Variants in CAPZA1 observed in about 807,000 individuals in gnomAD.
CAPZA1 encodes the protein F-actin-capping protein subunit alpha-1.
CAPZA1 carries 10 observed loss-of-function variants against 40.8 expected under a neutral mutation model. The observed-to-expected ratio is 0.25, with a 90% CI of 0.15 to 0.42. The LOEUF (loss-of-function observed/expected upper bound fraction) is 0.42. Among genes scored for constraint, CAPZA1 ranks in the 10% least tolerant of loss-of-function variants. The pLI, the probability that CAPZA1 is intolerant of heterozygous loss-of-function variation, is 1.00. For synonymous variants in CAPZA1, 98 were observed against 115.0 expected (o/e 0.85, Z 0.95); for missense variants, 277 against 353.8 (o/e 0.78, Z 1.74).
intron 1 of CAPZA1, among the ~76,000 whole-genome samples, chr1:112,642,038 G>C (rs1671178628): frequency 6.6e-6 from 1 of 151,412 alleles, no homozygotes; most frequent in African/African-American, 2.4e-5. Flanking sequence ...AAGTCACATT[G>C]TTTTACATTT....
intron 7 of CAPZA1, among the ~76,000 whole-genome samples, chr1:112,666,050 C>A (rs757265589): frequency 1.3e-5 from 2 of 152,104 alleles, no homozygotes; most frequent in South Asian, 2.1e-4. Flanking sequence ...ATTGCCCAGG[C>A]TGGTCTTAAA....
chr1:112,624,350 CGTA>C (rs1670753666), intron 1 of CAPZA1, among the ~76,000 whole-genome samples: 1 of 151,736 alleles, frequency 6.6e-6, no homozygotes, highest in Non-Finnish European at 1.5e-5. Flanking sequence ...GGCTCACGCT[CGTA>C]ATCCCAGTAC....
chr1:112,628,120 T>C (rs141472139), intron 1 of CAPZA1, among the ~76,000 whole-genome samples: 320 of 152,342 alleles, frequency 2.1e-3, no homozygotes, highest in African/African-American at 7.5e-3. Context: ...CTTTACAGTA[T>C]GACAGTATCT....
At chr1:112,653,218 G>T (rs1317341299) in intron 3 of CAPZA1, among the ~76,000 whole-genome samples, 1 of 152,176 alleles carries the variant, frequency 6.6e-6, no homozygotes, top group African/African-American at 2.4e-5. Flanking sequence ...TGTAGTCCCA[G>T]CTACTCAGGA....
intron 1 of CAPZA1, among the ~76,000 whole-genome samples, chr1:112,627,823 G>A (rs533346871): frequency 6.6e-6 from 1 of 151,824 alleles, no homozygotes; most frequent in Non-Finnish European, 1.5e-5. Context: ...AGCTGGGCGT[G>A]ATGGCGCATG....
intron 1 of CAPZA1, among the ~76,000 whole-genome samples, chr1:112,624,392 T>C (rs1177167448): frequency 6.6e-6 from 1 of 152,032 alleles, no homozygotes; most frequent in Non-Finnish European, 1.5e-5. Context: ...TCAGATCATC[T>C]GAGGTCAGGA....
At chr1:112,639,362 T>C (rs1185298312) in intron 1 of CAPZA1, among the ~76,000 whole-genome samples, 2 of 152,216 alleles carry the variant, frequency 1.3e-5, no homozygotes, top group Non-Finnish European at 2.9e-5. Context: ...ACAGGGAATA[T>C]TAAGTTTTTT....
intron 5 of CAPZA1, among the ~76,000 whole-genome samples, chr1:112,655,031 T>TAA: frequency 1.3e-5 from 2 of 152,262 alleles, no homozygotes; most frequent in East Asian, 1.9e-4. Flanking sequence ...TACCCAGATC[T>TAA]AAAAGGTCTT....
intron 5 of CAPZA1, among the ~76,000 whole-genome samples, chr1:112,654,944 A>G (rs929622731): frequency 2.6e-5 from 4 of 152,102 alleles, no homozygotes; most frequent in Non-Finnish European, 5.9e-5. Context: ...CCATCAGAAA[A>G]AGGTCTTTGG....
At position 112,656,440 on chromosome 1, in the gene CAPZA1, A is replaced by ATTTTTTTTT. The variant is rs56343358; in HGVS notation, c.426+1787_426+1795dup. Among the ~76,000 whole-genome samples the ATTTTTTTTT allele has an allele frequency of 3.9e-4, 18 of 45,768 alleles. 2 individuals are homozygous for ATTTTTTTTT. Among genetic ancestry groups the ATTTTTTTTT allele is most frequent in the African/African-American group, 6.1e-4 (7 of 11,480 alleles). The allele number at this position is 45,768 out of a possible 152,430, so 30.0% of individuals were successfully genotyped here. ...GTTAGGCTAGGTGTCATTATGTTTG[A>ATTTTTTTTT]TTTTTTTTTTTTTTTTTTTTTTTTT... On this transcript the variant is annotated intron_variant, in intron 5 of 9. Transcript: ENST00000263168.
chr1:112,629,184 C>G (rs755709038), intron 1 of CAPZA1, among the ~76,000 whole-genome samples: 27 of 152,216 alleles, frequency 1.8e-4, no homozygotes, highest in Admixed American at 6.5e-5. Flanking sequence ...TGTTCTTCTT[C>G]TGGTCTTTGT....
At chr1:112,625,785 C>G (rs371272365) in intron 1 of CAPZA1, 2 of 152,122 alleles carry the variant, frequency 1.3e-5, no homozygotes, top group South Asian at 4.1e-4. Flanking sequence ...ACTCTGTGGC[C>G]CTCCAGATAG....
intron 2 of CAPZA1, among the ~76,000 whole-genome samples, chr1:112,648,920 G>A (rs987873760): frequency 1.5e-4 from 22 of 151,104 alleles, no homozygotes; most frequent in South Asian, 6.3e-4. Context: ...CCAAGATTGC[G>A]CCATTGCACT....
chr1:112,627,292 C>A (rs1477588816), intron 1 of CAPZA1, among the ~76,000 whole-genome samples: 2 of 152,100 alleles, frequency 1.3e-5, no homozygotes, highest in East Asian at 3.8e-4. Flanking sequence ...CATGTAGTAA[C>A]CTGGATGCCT....
chr1:112,619,944 G>A, intron 1 of CAPZA1, 61 bp downstream of exon 1: 2 of 1,397,796 alleles, frequency 1.4e-6, no homozygotes, highest in South Asian at 1.2e-5. Flanking sequence ...GCCCGGCCCG[G>A]CTGCGTTGGG....
At position 112,647,248 on chromosome 1, in the gene CAPZA1, A is replaced by C; in HGVS notation, c.78A>C (p.Pro26=). ...IAAKFITHAP[P]GEFNEVFNDV... is the part of the protein sequence containing the mutation. ...CTAAATTCATCACTCATGCACCCCCAGGGGAATTTAATGAAGTATTCAATG... is the reference window on the plus strand; with the variant it reads ...CTAAATTCATCACTCATGCACCCCCCGGGGAATTTAATGAAGTATTCAATG... Residue 26 remains proline, a synonymous_variant, in exon 2 of 10, where the codon CCA becomes CCC. Coordinates refer to ENST00000263168, the MANE Select transcript of CAPZA1 (RefSeq NM_006135.3). 6.6e-7 allele frequency: 1 copy of C among 1,525,580 alleles called. No individual in the cohort carries two copies. Among genetic ancestry groups the C allele is most frequent in the Non-Finnish European group, 8.9e-7 (1 of 1,128,536 alleles). 94.5% of individuals were successfully genotyped at this position (1,525,580 alleles called of 1,614,324 possible). A position where few individuals can be genotyped will look rare whatever the true frequency, so the allele number is the denominator to read the frequency against.
intron 1 of CAPZA1, among the ~76,000 whole-genome samples, chr1:112,645,260 A>T (rs542596096): frequency 6.6e-6 from 1 of 152,314 alleles, no homozygotes; most frequent in Admixed American, 6.5e-5. Flanking sequence ...AATACCATGA[A>T]GGGGAAGAAT....
rs772119948 is a variant in CAPZA1 at position 112,669,587 on chromosome 1, T to G, written c.702T>G (p.Asn234Lys). 11 of 1,606,560 alleles carry G rather than the reference T, an allele frequency of 6.8e-6. No homozygotes were observed. In the Admixed American group the frequency reaches 1.8e-4, roughly 27 times the overall value. The change falls in exon 9 of 10, where the codon AAT (asparagine) becomes AAG (lysine). Residue 234 changes from asparagine (N) to lysine (K), a missense_variant. Asn to Lys is a moderately conservative substitution (Grantham distance 94, BLOSUM62 0). Coordinates refer to ENST00000263168, the MANE Select transcript of CAPZA1 (RefSeq NM_006135.3). The part of the protein sequence containing the change: ...TAKEFIKIIE[N>K]AENEYQTAIS... ...AGGAGTTTATTAAAATCATAGAGAA[T>G]GCAGAAAATGAGTATCAGGTAAGAA...
At chr1:112,650,602 C>T (rs1354907828) in intron 3 of CAPZA1, among the ~76,000 whole-genome samples, 2 of 152,192 alleles carry the variant, frequency 1.3e-5, no homozygotes, top group Non-Finnish European at 2.9e-5. Context: ...CTGAATGCTT[C>T]TAATAATAAG....
Sources: gnomAD v4.1 joint callset for allele counts (sites outside exome capture counted in the v4.1 genomes callset) on GRCh38, gnomAD v4.1.1 for gene constraint, MANE v1.5 for transcripts, NCBI Gene and HGNC (gene_info 2026-07-23, HGNC 2026-07-21) for gene names.